MGAT4C: variants seen among roughly 807,000 people sequenced by gnomAD.
MGAT4C encodes the protein MGAT4 family member C.
Under a neutral mutation model 40.1 loss-of-function variants are expected in MGAT4C, and 19 were observed. The ratio of observed to expected loss-of-function variants is 0.47; its 90% confidence interval spans 0.33 to 0.70. MGAT4C has a LOEUF of 0.70. Ranked by LOEUF, MGAT4C falls within the 30% of genes least tolerant of loss-of-function variation. The pLI is 0.02. For missense variants in MGAT4C, 491 were observed against 563.2 expected, an observed-to-expected ratio of 0.87 and a Z score of 1.30; for synonymous variants, 181 against 187.1, an observed-to-expected ratio of 0.97 and a Z score of 0.27.
At chr12:86,518,718 A>T in intron 2 of MGAT4C, among the ~76,000 whole-genome samples, 1 of 152,206 alleles carries the variant, frequency 6.6e-6, no homozygotes. Flanking sequence ...TAATTGCTCA[A>T]AAAGACTTGC....
chr12:86,131,941 A>C (rs1431484654), intron 1 of MGAT4C, among the ~76,000 whole-genome samples: 1 of 152,160 alleles, frequency 6.6e-6, no homozygotes, highest in Non-Finnish European at 1.5e-5. Context: ...TGACTAGTAC[A>C]TTTTTAAAAC....
At chr12:86,593,733 C>A (rs1453676866) in intron 2 of MGAT4C, among the ~76,000 whole-genome samples, 1 of 151,922 alleles carries the variant, frequency 6.6e-6, no homozygotes, top group Admixed American at 6.6e-5. Context: ...TTTATTATTT[C>A]TATTCTTTTA....
chr12:86,792,617 A>G (rs1952043675), intron 1 of MGAT4C, among the ~76,000 whole-genome samples: 1 of 152,152 alleles, frequency 6.6e-6, no homozygotes, highest in South Asian at 2.1e-4. Context: ...CATACAAACT[A>G]GTGCAAGCTT....
At chr12:86,314,621 T>C in intron 4 of MGAT4C, among the ~76,000 whole-genome samples, 1 of 152,354 alleles carries the variant, frequency 6.6e-6, no homozygotes, top group Middle Eastern at 3.4e-3. Flanking sequence ...CAATGTACAA[T>C]AATCAGTGGC....
intron 1 of MGAT4C, among the ~76,000 whole-genome samples, chr12:86,141,796 G>A (rs1045770011): frequency 6.6e-6 from 1 of 152,110 alleles, no homozygotes; most frequent in African/African-American, 2.4e-5. Flanking sequence ...AACTCATGTA[G>A]ATTATACAAT....
chr12:86,140,189 T>C (rs934459330), intron 1 of MGAT4C, among the ~76,000 whole-genome samples: 1 of 152,206 alleles, frequency 6.6e-6, no homozygotes, highest in Non-Finnish European at 1.5e-5. Flanking sequence ...TTTAGTCATA[T>C]ATTAAATGTC....
At chr12:86,171,464 A>G (rs1452404586) in intron 1 of MGAT4C, among the ~76,000 whole-genome samples, 2 of 152,354 alleles carry the variant, frequency 1.3e-5, no homozygotes, top group East Asian at 3.9e-4. Flanking sequence ...AAATTTGCAT[A>G]GCACTTTGGT....
chr12:86,325,877 C>G (rs962186277), intron 4 of MGAT4C, among the ~76,000 whole-genome samples: 27 of 86,890 alleles, frequency 3.1e-4, no homozygotes, highest in Non-Finnish European at 6.7e-4. Context: ...ACCCTGTCTC[C>G]AAAAAGAAAA....
intron 2 of MGAT4C, among the ~76,000 whole-genome samples, chr12:86,639,030 T>G (rs536649787): frequency 5.3e-5 from 8 of 151,910 alleles, no homozygotes; most frequent in Middle Eastern, 3.4e-3. Flanking sequence ...GATATAAATA[T>G]TATCTTGAAA....
intron 2 of MGAT4C, among the ~76,000 whole-genome samples, chr12:86,444,076 C>T (rs1957290142): frequency 1.3e-5 from 2 of 152,136 alleles, no homozygotes; most frequent in African/African-American, 4.8e-5. Flanking sequence ...AACCATATTT[C>T]TACATTGGAA....
At position 86,003,503 on chromosome 12, in the gene MGAT4C, T is replaced by C. The variant is rs559717671; in HGVS notation, c.-6-13951A>G. Reference sequence around the variant, plus strand: ...AAAACCAAAAACCTGTGTGTTTAACTTCTTTGGTTTTTGCTTTTGTGATGC... The same window carrying C: ...AAAACCAAAAACCTGTGTGTTTAACCTCTTTGGTTTTTGCTTTTGTGATGC... On this transcript the variant is annotated intron_variant, in intron 2 of 4. Coordinates refer to ENST00000611864, the MANE Select transcript of MGAT4C (RefSeq NM_001351288.2). Among the ~76,000 whole-genome samples, 3 of 152,298 alleles carry C rather than the reference T, an allele frequency of 2.0e-5. No homozygotes were observed. In the East Asian group the frequency reaches 5.8e-4, roughly 29 times the overall value.
chr12:86,599,671 A>G (rs2136457866), intron 2 of MGAT4C: 1 of 152,284 alleles, frequency 6.6e-6, no homozygotes, highest in African/African-American at 2.4e-5. Context: ...GCTGAAAAAA[A>G]ATGGAGCAAA....
intron 3 of MGAT4C, among the ~76,000 whole-genome samples, chr12:86,411,534 C>T (rs968224758): frequency 3.9e-5 from 6 of 152,114 alleles, no homozygotes; most frequent in Admixed American, 6.5e-5. Context: ...TTCTAAGCAA[C>T]AAAACATTCA....
At chr12:86,110,882 G>A (rs1877264895) in intron 1 of MGAT4C, among the ~76,000 whole-genome samples, 1 of 151,576 alleles carries the variant, frequency 6.6e-6, no homozygotes, top group African/African-American at 2.4e-5. Context: ...GCCGTTATAT[G>A]TACTACTGTG....
intron 4 of MGAT4C, among the ~76,000 whole-genome samples, chr12:86,323,381 G>GTA (rs1224357781): frequency 6.6e-6 from 1 of 151,210 alleles, no homozygotes; most frequent in Non-Finnish European, 1.5e-5. Flanking sequence ...GGTTAATTTG[G>GTA]TAAAGTTTTA....
At chr12:86,228,765 T>C (rs1283770775) in intron 1 of MGAT4C, among the ~76,000 whole-genome samples, 1 of 151,958 alleles carries the variant, frequency 6.6e-6, no homozygotes, top group Non-Finnish European at 1.5e-5. Context: ...AAGGAACAGT[T>C]AGATGTATGT....
At chr12:86,469,879 C>T (rs778978286) in intron 2 of MGAT4C, among the ~76,000 whole-genome samples, 33 of 152,084 alleles carry the variant, frequency 2.2e-4, no homozygotes, top group Non-Finnish European at 4.0e-4. Flanking sequence ...AGACCAAATC[C>T]TCCTATAGAA....
At chr12:86,773,945 C>T (rs11104076) in intron 1 of MGAT4C, among the ~76,000 whole-genome samples, 3,433 of 58,334 alleles carry the variant, frequency 0.059, 458 homozygotes, top group Admixed American at 0.099. Context: ...AAAGTAACTT[C>T]TTTTTTTTTT....
chr12:85,982,419 C>T (rs1195466497), intron 4 of MGAT4C, among the ~76,000 whole-genome samples: 3 of 152,174 alleles, frequency 2.0e-5, no homozygotes, highest in Non-Finnish European at 4.4e-5. Context: ...GAACACCTGG[C>T]CTCAAGTGAT....
Sources: allele counts gnomAD v4.1 joint callset (sites outside exome capture counted in the v4.1 genomes callset), GRCh38; gene constraint gnomAD v4.1.1; transcripts MANE v1.5; gene names NCBI Gene and HGNC (gene_info 2026-07-23, HGNC 2026-07-21).